The following RFX7 variants were observed in gnomAD, a reference collection of about 807,000 sequenced individuals.
RFX7 encodes DNA-binding protein RFX7.
RFX7 carries 26 observed loss-of-function variants against 111.8 expected under a neutral mutation model. The ratio of observed to expected loss-of-function variants is 0.23; its 90% CI spans 0.17 to 0.32. RFX7 has a LOEUF of 0.32. Among genes scored for constraint, RFX7 ranks in the 10% least tolerant of loss-of-function variants. The probability of loss-of-function intolerance (pLI) is 1.00; values close to 1 mark genes in which losing one functional copy is unlikely to be tolerated. For missense variants in RFX7, 1,573 were observed against 1,772.9 expected, an observed-to-expected ratio of 0.89 and a Z score of 2.02; for synonymous variants, 624 against 624.4, an observed-to-expected ratio of 1.00 and a Z score of 0.01.
At chr15:56,110,275 GT>G (rs2041902931) in intron 5 of RFX7, among the ~76,000 whole-genome samples, 2 of 77,904 alleles carry the variant, frequency 2.6e-5, no homozygotes, top group Non-Finnish European at 5.4e-5. Context: ...GTGGGGGGGG[GT>G]CAGCCCCCCG....
intron 3 of RFX7, among the ~76,000 whole-genome samples, chr15:56,162,462 T>A (rs1328241968): frequency 1.3e-5 from 2 of 152,088 alleles, no homozygotes; most frequent in Non-Finnish European, 2.9e-5. Context: ...TAATGAAAAT[T>A]GCATTTCTTT....
At chr15:56,226,694 T>C (rs1356560232) in intron 2 of RFX7, among the ~76,000 whole-genome samples, 2 of 152,176 alleles carry the variant, frequency 1.3e-5, no homozygotes, top group African/African-American at 4.8e-5. Flanking sequence ...TACTTAAGCA[T>C]TGTGATAAGA....
intron 3 of RFX7, among the ~76,000 whole-genome samples, chr15:56,174,429 T>C (rs970301827): frequency 6.6e-6 from 1 of 152,006 alleles, no homozygotes; most frequent in Non-Finnish European, 1.5e-5. Flanking sequence ...TTAGTAAGTA[T>C]AGAAAAATTG....
intron 5 of RFX7, among the ~76,000 whole-genome samples, chr15:56,136,962 G>A (rs1243681842): frequency 6.7e-6 from 1 of 149,996 alleles, no homozygotes; most frequent in Non-Finnish European, 1.5e-5. Context: ...TCCCAGGGAT[G>A]AAGCCCACTT....
rs12439033 is a variant in RFX7, at chr15:56,152,572, T to C, written c.196-8089A>G. On this transcript the variant is annotated intron_variant, in intron 3 of 9. Transcript: ENST00000559447. The stretch of plus-strand genomic sequence containing the variant: ...AAAGCAGTGTTTAGAGGGAAATTTA[T>C]AGCACTAAATGCCCACAAGAGAAAG... Among the ~76,000 whole-genome samples, 3 of 152,204 alleles carry C rather than the reference T, an allele frequency of 2.0e-5. No homozygotes were observed. In the East Asian group the frequency reaches 5.8e-4, roughly 29 times the overall value.
intron 2 of RFX7, among the ~76,000 whole-genome samples, chr15:56,186,596 A>G (rs2043040760): frequency 6.6e-6 from 1 of 152,096 alleles, no homozygotes; most frequent in African/African-American, 2.4e-5. Context: ...ATATGGGTGT[A>G]TACATATACT....
chr15:56,094,997 C>G lies in RFX7; in HGVS notation c.2731G>C (p.Gly911Arg), dbSNP rs1257675073. The G allele has an allele frequency of 6.2e-7, 1 of 1,612,884 alleles. No homozygotes were observed. The highest frequency in any genetic ancestry group is 2.2e-5 in the East Asian group (1 of 44,890). ...NNSHSYGNCL[G>R]MTLQSQSVTP... ...ACTGACTGACTCTGAAGGGTCATTC[C>G]CAAACAGTTGCCGTAAGAATGAGAA... Residue 911 changes from glycine to arginine, a missense_variant, in exon 10 of 10, where the codon GGA becomes CGA. Around this residue, in one of 7 missense-constraint regions of RFX7, gnomAD observed 625 missense variants for 632.2 expected, o/e 0.99. Transcript: ENST00000559447.
chr15:56,189,553 C>T (rs1237795714), intron 2 of RFX7, among the ~76,000 whole-genome samples: 1 of 151,738 alleles, frequency 6.6e-6, no homozygotes, highest in Admixed American at 6.6e-5. Flanking sequence ...ATAGTAAAGA[C>T]AGGTAACTCA....
chr15:56,218,707 CA>C (rs2043393894), intron 2 of RFX7, among the ~76,000 whole-genome samples: 1 of 152,036 alleles, frequency 6.6e-6, no homozygotes, highest in Non-Finnish European at 1.5e-5. Context: ...CCATCCAAAC[CA>C]AGCAAAAAAA....
chr15:56,226,102 T>C (rs141501189), intron 2 of RFX7, among the ~76,000 whole-genome samples: 1,786 of 152,020 alleles, frequency 0.012, 14 homozygotes, highest in Non-Finnish European at 0.019. Context: ...GGAGACAAAA[T>C]AGGAGGTTCT....
At chr15:56,228,497 G>A (rs961050867) in intron 2 of RFX7, among the ~76,000 whole-genome samples, 1 of 151,512 alleles carries the variant, frequency 6.6e-6, no homozygotes, top group African/African-American at 2.4e-5. Context: ...TATCAGACTG[G>A]GAACTTAAAA....
chr15:56,182,883 A>AT (rs576845585), intron 2 of RFX7, among the ~76,000 whole-genome samples: 1 of 152,024 alleles, frequency 6.6e-6, no homozygotes, highest in Admixed American at 6.5e-5. Flanking sequence ...CTTATAAATG[A>AT]TTTTTTTCTA....
chr15:56,188,631 G>T (rs2043066370), intron 2 of RFX7, among the ~76,000 whole-genome samples: 1 of 152,178 alleles, frequency 6.6e-6, no homozygotes, highest in Non-Finnish European at 1.5e-5. Context: ...TGCAGCAGAG[G>T]TACCAAAGCA....
intron 2 of RFX7, among the ~76,000 whole-genome samples, chr15:56,214,325 AAAT>A (rs1395606091): frequency 2.0e-5 from 3 of 148,058 alleles, no homozygotes; most frequent in African/African-American, 4.9e-5. Context: ...ATATATTAAG[AAAT>A]AAAAAATCTG....
In RFX7 at chr15:56,121,229, G is replaced by A. The variant is rs182978630; in HGVS notation, c.402-17559C>T. ...GTGAAAATCTTTTTATTTCCTTCCT[G>A]TTTGAAAGATATTTTCACTGGGTAT... On this transcript the variant is annotated intron_variant, in intron 5 of 9. Coordinates refer to ENST00000559447, the MANE Select transcript of RFX7 (RefSeq NM_022841.7). 1.7e-3 allele frequency among the ~76,000 whole-genome samples: 261 copies of A among 152,118 alleles called. 1 individual carries two copies. Among genetic ancestry groups the A allele is most frequent in the African/African-American group, 6.1e-3 (255 of 41,488 alleles).
chr15:56,207,869 A>G (rs1244952861), intron 2 of RFX7, among the ~76,000 whole-genome samples: 1 of 152,192 alleles, frequency 6.6e-6, no homozygotes, highest in Non-Finnish European at 1.5e-5. Context: ...AACCCCCCAA[A>G]TGGGAAAGAC....
chr15:56,212,701 AAAG>A (rs1222448628), intron 2 of RFX7, among the ~76,000 whole-genome samples: 2 of 152,336 alleles, frequency 1.3e-5, no homozygotes, highest in Admixed American at 1.3e-4. Flanking sequence ...AAAGTTAATT[AAAG>A]AAGACAAGCT....
intron 2 of RFX7, among the ~76,000 whole-genome samples, chr15:56,183,160 T>C (rs1477867846): frequency 2.6e-5 from 4 of 152,122 alleles, no homozygotes; most frequent in African/African-American, 9.7e-5. Context: ...CCCTATGAAT[T>C]GTTTGTTCCT....
chr15:56,243,790 GCCGCCGCCGCCGCCGCTCGCTCCCGGCC>G lies in RFX7; in HGVS notation c.-376_-349del, dbSNP rs1337556055. On this transcript the variant is annotated 5_prime_UTR_variant, in exon 1 of 10. Coordinates refer to ENST00000559447, the MANE Select transcript of RFX7 (RefSeq NM_022841.7). The stretch of plus-strand genomic sequence containing the variant: ...ACCGCTCCACGCCACTCCCCACGCC[GCCGCCGCCGCCGCCGCTCGCTCCCGGCC>G]CCGCCGCCGCCGCGGCCGCCGCTGC... Among the ~76,000 whole-genome samples the G allele has an allele frequency of 2.0e-4, 30 of 148,028 alleles. No individual in the cohort carries two copies. The highest frequency in any genetic ancestry group is 4.4e-4 in the African/African-American group (18 of 41,010).
Sources: gnomAD v4.1 joint callset for allele counts (sites outside exome capture counted in the v4.1 genomes callset) on GRCh38, gnomAD v4.1.1 for gene constraint, gnomAD v4.1.1 regional missense constraint, MANE v1.5 for transcripts, NCBI Gene and HGNC (gene_info 2026-07-23, HGNC 2026-07-21) for gene names.